Variants in ALKBH8 observed in about 807,000 individuals in gnomAD.
The protein encoded by ALKBH8 is tRNA (carboxymethyluridine(34)-5-O)-methyltransferase ALKBH8.
ALKBH8 carries 36 observed loss-of-function variants against 59.8 expected under a neutral mutation model. That is an observed-to-expected ratio of 0.60 (90% CI 0.46 to 0.79). The LOEUF (loss-of-function observed/expected upper bound fraction) is 0.79, where lower values mean the gene tolerates loss of function less well. Among genes scored for constraint, ALKBH8 ranks in the 30% least tolerant of loss-of-function variants. ALKBH8 has a pLI of 0.00. For missense variants in ALKBH8, 768 were observed against 801.0 expected (o/e 0.96, Z 0.50); for synonymous variants, 276 against 273.6 (o/e 1.01, Z -0.09).
chr11:107,533,020 G>A (rs1267032602), intron 7 of ALKBH8, among the ~76,000 whole-genome samples: 3 of 151,906 alleles, frequency 2.0e-5, no homozygotes, highest in Admixed American at 2.0e-4. Context: ...ACTGGGATTA[G>A]AGGCTGATTA....
chr11:107,553,717 C>T, intron 4 of ALKBH8, 130 bp downstream of exon 4: 1 of 954,446 alleles, frequency 1.0e-6, no homozygotes, highest in Non-Finnish European at 1.5e-6. Flanking sequence ...GTTGGTATGA[C>T]TTGCCTAACA....
chr11:107,510,737 C>T, intron 11 of ALKBH8, 150 bp downstream of exon 11: 1 of 814,612 alleles, frequency 1.2e-6, no homozygotes, highest in South Asian at 1.9e-5. Context: ...CTTTATTCTG[C>T]ATGCTCTCTT....
In ALKBH8 at chr11:107,510,916, T is replaced by A; in HGVS notation, c.1408A>T (p.Ile470Phe). The A allele has an allele frequency of 6.4e-7, 1 of 1,551,604 alleles. No individual in the cohort carries two copies. Among genetic ancestry groups the A allele is most frequent in the Non-Finnish European group, 8.7e-7 (1 of 1,146,918 alleles). The change falls in exon 11 of 12, where the codon ATT (isoleucine) becomes TTT (phenylalanine). Residue 470 changes from isoleucine (I) to phenylalanine (F), a missense_variant. By Grantham distance (21) the Ile-to-Phe change is conservative (BLOSUM62 0). Transcript: ENST00000428149. Reference protein sequence around the residue: ...RSGSCDACISIAVIHHFATAE... With the variant: ...RSGSCDACISFAVIHHFATAE... ...GTTGCAAAATGATGAATAACAGCAA[T>A]GGAGATGCAGGCATCACAAGACCCA...
intron 8 of ALKBH8, among the ~76,000 whole-genome samples, chr11:107,527,619 T>C (rs1055769695): frequency 6.6e-6 from 1 of 152,022 alleles, no homozygotes; most frequent in Non-Finnish European, 1.5e-5. Flanking sequence ...CTTGATGCTA[T>C]TTTAAATAGC....
intron 2 of ALKBH8, among the ~76,000 whole-genome samples, chr11:107,557,864 C>A (rs919247995): frequency 1.3e-5 from 2 of 152,148 alleles, no homozygotes; most frequent in African/African-American, 4.8e-5. Context: ...CCATTCTATA[C>A]AATGTAAAGA....
Position 107,553,152 on chromosome 11 carries a change from T to A in ALKBH8, c.551A>T (p.His184Leu), listed in dbSNP as rs1441692004. The change falls in exon 5 of 12, where the codon CAC (histidine) becomes CTC (leucine). Residue 184 changes from histidine to leucine, a missense_variant. His to Leu is a moderately conservative substitution (Grantham distance 99). Transcript: ENST00000428149. Reference sequence around the variant, plus strand: ...TTTATCTACATTGTTGTTCTCATAGTGGAACTCATAACCAAAATGCTTTAC... The same window carrying A: ...TTTATCTACATTGTTGTTCTCATAGAGGAACTCATAACCAAAATGCTTTAC... ...RRVKHFGYEF[H>L]YENNNVDKDK... 1 of 1,610,658 alleles carries A rather than the reference T, an allele frequency of 6.2e-7. No homozygotes were observed. Among genetic ancestry groups the A allele is most frequent in the African/African-American group, 1.3e-5 (1 of 74,774 alleles).
At chr11:107,546,633 T>C (rs976971049) in intron 7 of ALKBH8, among the ~76,000 whole-genome samples, 3 of 152,176 alleles carry the variant, frequency 2.0e-5, no homozygotes, top group Admixed American at 1.3e-4. Context: ...TATCTTGTTA[T>C]ATGAGATATT....
chr11:107,505,057 G>A lies in ALKBH8; in HGVS notation c.1596C>T (p.Asn532=). ...GTGACCTCTGCACTGAGGTATCACT[G>A]TTCATCTCCTCTTTCTTTCCTTGGC... ...RNSQGKKEEM[N]SDTSVQRSLV... is the part of the protein sequence containing the mutation. The change falls in exon 12 of 12, where the codon AAC becomes AAT. Residue 532 remains asparagine, a synonymous_variant. Coordinates refer to ENST00000428149, the MANE Select transcript of ALKBH8 (RefSeq NM_138775.3). 4 of 1,551,654 alleles carry A rather than the reference G, an allele frequency of 2.6e-6. No homozygotes were observed. The highest frequency in any genetic ancestry group is 2.6e-6 in the Non-Finnish European group (3 of 1,146,970).
chr11:107,550,438 G>A (rs1433350381), intron 6 of ALKBH8, among the ~76,000 whole-genome samples: 2 of 152,188 alleles, frequency 1.3e-5, no homozygotes, highest in African/African-American at 2.4e-5. Flanking sequence ...ACTTGGCTCA[G>A]CCCTTCCCTC....
rs1862275696 is a variant in ALKBH8 at position 107,504,015 on chromosome 11, G to C, written c.*643C>G. ...CGTCTAGAATGTAAGCACCATAAGGGCAAGAGCTTTGCTCTTTCTTATTCA... is the reference window on the plus strand; with the variant it reads ...CGTCTAGAATGTAAGCACCATAAGGCCAAGAGCTTTGCTCTTTCTTATTCA... On this transcript the variant is annotated 3_prime_UTR_variant, in exon 12 of 12. Transcript: ENST00000428149. The C allele has an allele frequency of 6.5e-6, 1 of 152,776 alleles. No homozygotes were observed. Among genetic ancestry groups the C allele is most frequent in the African/African-American group, 2.4e-5 (1 of 41,422 alleles). The allele number at this position is 152,776 out of a possible 1,614,324, so 9.5% of individuals were successfully genotyped here.
intron 10 of ALKBH8, among the ~76,000 whole-genome samples, chr11:107,519,286 G>A (rs1863005231): frequency 6.6e-6 from 1 of 151,770 alleles, no homozygotes; most frequent in Non-Finnish European, 1.5e-5. Flanking sequence ...TGTATTTTCA[G>A]TAGAGATGAG....
At position 107,551,804 on chromosome 11, in the gene ALKBH8, T is replaced by A; in HGVS notation, c.700+4A>T. ...ACTAAAATTTTTGAACAAGAAATAC[T>A]CACCTTGCCCAGGTTCATACTGATT... On this transcript the variant is annotated splice_donor_region_variant and intron_variant, in intron 6 of 11. Transcript: ENST00000428149. The A allele has an allele frequency of 6.5e-7, 1 of 1,527,612 alleles. No individual in the cohort carries two copies. The allele number at this position is 1,527,612 out of a possible 1,614,324, so 94.6% of individuals were successfully genotyped here. A position where few individuals can be genotyped will look rare whatever the true frequency, so the allele number is the denominator to read the frequency against.
chr11:107,508,968 C>T (rs1047649721), intron 11 of ALKBH8, among the ~76,000 whole-genome samples: 5 of 152,144 alleles, frequency 3.3e-5, no homozygotes, highest in Admixed American at 6.6e-5. Flanking sequence ...CTGCTATGAA[C>T]GTAGGTGTAT....
intron 8 of ALKBH8, among the ~76,000 whole-genome samples, chr11:107,531,085 T>C (rs565722949): frequency 6.6e-6 from 1 of 151,982 alleles, no homozygotes; most frequent in Non-Finnish European, 1.5e-5. Flanking sequence ...TTTTTTTTTA[T>C]TTTAAGTGCA....
chr11:107,522,268 CA>C (rs753631187), intron 10 of ALKBH8, 30 bp downstream of exon 10: 22 of 1,546,936 alleles, frequency 1.4e-5, no homozygotes, highest in Non-Finnish European at 1.7e-5. Flanking sequence ...GCAAATTAAG[CA>C]AAAAGAAAGT....
intron 7 of ALKBH8, among the ~76,000 whole-genome samples, chr11:107,545,869 G>A (rs980019509): frequency 2.0e-5 from 3 of 152,174 alleles, no homozygotes; most frequent in Non-Finnish European, 2.9e-5. Context: ...TAAATCACAT[G>A]CAAATCCATT....
intron 9 of ALKBH8, among the ~76,000 whole-genome samples, chr11:107,523,472 C>T (rs994954209): frequency 7.9e-5 from 12 of 151,284 alleles, no homozygotes; most frequent in South Asian, 6.3e-4. Context: ...GGGTGGGAGC[C>T]GGGGAGATGC....
intron 8 of ALKBH8, among the ~76,000 whole-genome samples, chr11:107,529,176 T>A (rs1003115503): frequency 5.9e-5 from 9 of 152,214 alleles, no homozygotes; most frequent in Non-Finnish European, 1.2e-4. Flanking sequence ...AACTTGTTTA[T>A]GCTCCAATTT....
At chr11:107,555,952 C>T (rs1463276444) in intron 3 of ALKBH8, among the ~76,000 whole-genome samples, 1 of 152,210 alleles carries the variant, frequency 6.6e-6, no homozygotes, top group African/African-American at 2.4e-5. Context: ...TTTCTACCAT[C>T]ACAGGAAGTT....
Sources: gnomAD v4.1 joint callset for allele counts (sites outside exome capture counted in the v4.1 genomes callset) on GRCh38, gnomAD v4.1.1 for gene constraint, MANE v1.5 for transcripts, NCBI Gene and HGNC (gene_info 2026-07-23, HGNC 2026-07-21) for gene names.